The following PAX8 variants were observed in gnomAD, a reference collection of about 807,000 sequenced individuals.
The protein encoded by PAX8 is paired box 8.
Under a neutral mutation model 52.4 loss-of-function variants are expected in PAX8, and 15 were observed. The observed-to-expected ratio is 0.29, with a 90% CI of 0.19 to 0.44. The LOEUF (loss-of-function observed/expected upper bound fraction) is 0.44. Among genes scored for constraint, PAX8 ranks in the 20% least tolerant of loss-of-function variants. The pLI is 1.00. For synonymous variants in PAX8, 284 were observed against 249.7 expected (o/e 1.14, Z -1.29); for missense variants, 554 against 602.5 (o/e 0.92, Z 0.84).
intron 2 of PAX8, among the ~76,000 whole-genome samples, chr2:113,261,211 T>C (rs1487293724): frequency 6.6e-6 from 1 of 152,076 alleles, no homozygotes; most frequent in African/African-American, 2.4e-5. Context: ...CAGGGGGTGC[T>C]GAGAATTAGG....
chr2:113,259,746 A>G lies in PAX8; in HGVS notation c.26-12827T>C, dbSNP rs139695426. ...ATGAACTTCTAGTCAGGGGCTGCAAATGGAGCTTCCCAGTGCTCCCTGCAG... is the reference window on the plus strand; with the variant it reads ...ATGAACTTCTAGTCAGGGGCTGCAAGTGGAGCTTCCCAGTGCTCCCTGCAG... On this transcript the variant is annotated intron_variant, in intron 2 of 11. Transcript: ENST00000429538. 1.7e-3 allele frequency among the ~76,000 whole-genome samples: 257 copies of G among 152,318 alleles called. 1 individual carries two copies. Among genetic ancestry groups the G allele is most frequent in the African/African-American group, 6.0e-3 (250 of 41,568 alleles).
At position 113,218,456 on chromosome 2, in the gene PAX8, C is replaced by G; in HGVS notation, c.*77G>C. ...ATTTTTCATGTAATAAATAAAGATT[C>G]CTTTGTGTGACTCTCTGGGGCCTGT... On this transcript the variant is annotated 3_prime_UTR_variant, in exon 12 of 12. Coordinates refer to ENST00000429538, the MANE Select transcript of PAX8 (RefSeq NM_003466.4). The G allele has an allele frequency of 1.3e-6, 1 of 752,734 alleles. No individual in the cohort carries two copies. Among genetic ancestry groups the G allele is most frequent in the Non-Finnish European group, 2.1e-6 (1 of 469,522 alleles). 46.6% of individuals were successfully genotyped at this position (752,734 alleles called of 1,614,324 possible).
chr2:113,270,521 G>A (rs1255187250), intron 2 of PAX8: 1 of 152,196 alleles, frequency 6.6e-6, no homozygotes, highest in Non-Finnish European at 1.5e-5. Flanking sequence ...GATTTCAAAA[G>A]CCTCTCATTC....
intron 2 of PAX8, among the ~76,000 whole-genome samples, chr2:113,256,573 T>TAG (rs10529072): frequency 0.23 from 34,857 of 151,404 alleles, 4,306 homozygotes; most frequent in African/African-American, 0.32. Flanking sequence ...TATTATTCTA[T>TAG]ATATATATAC....
intron 7 of PAX8, chr2:113,238,065 C>T (rs1690511876): frequency 6.9e-6 from 1 of 145,228 alleles, no homozygotes; most frequent in East Asian, 2.0e-4. Flanking sequence ...TTGCTTAGGG[C>T]CTTTTTTTTT....
At chr2:113,227,118 T>C (rs1021613853) in intron 10 of PAX8, 37 bp downstream of exon 10, 1 of 1,551,294 alleles carries the variant, frequency 6.4e-7, no homozygotes, top group Non-Finnish European at 8.7e-7. Context: ...ATACTTCCTC[T>C]TTGCAGTGCT....
intron 9 of PAX8, among the ~76,000 whole-genome samples, chr2:113,234,158 G>A (rs1015935058): frequency 6.6e-6 from 1 of 152,218 alleles, no homozygotes; most frequent in Non-Finnish European, 1.5e-5. Flanking sequence ...GGCCCCCACT[G>A]GGCCCACATC....
intron 3 of PAX8, among the ~76,000 whole-genome samples, chr2:113,245,612 C>T (rs556326477): frequency 6.6e-6 from 1 of 152,254 alleles, no homozygotes; most frequent in Admixed American, 6.5e-5. Context: ...TCCACCCTTC[C>T]CCTCCCTCTA....
intron 10 of PAX8, chr2:113,225,720 C>G (rs1403846539): frequency 5.6e-6 from 1 of 179,830 alleles, no homozygotes; most frequent in African/African-American, 2.4e-5. Flanking sequence ...TGGGCCTGCC[C>G]TCAGGGAATG....
At chr2:113,249,439 T>G (rs1240693371) in intron 2 of PAX8, among the ~76,000 whole-genome samples, 1 of 152,136 alleles carries the variant, frequency 6.6e-6, no homozygotes, top group East Asian at 1.9e-4. Context: ...CCGGGCCGTA[T>G]CCACCCAAAC....
intron 10 of PAX8, among the ~76,000 whole-genome samples, chr2:113,224,173 G>A (rs1002131556): frequency 6.6e-6 from 1 of 152,012 alleles, no homozygotes; most frequent in Middle Eastern, 3.4e-3. Context: ...GAATATGGAT[G>A]GAAAAATAAA....
intron 11 of PAX8, among the ~76,000 whole-genome samples, chr2:113,218,841 A>G (rs748043018): frequency 4.6e-5 from 7 of 151,922 alleles, no homozygotes; most frequent in Non-Finnish European, 1.0e-4. Context: ...CCTTCCCCCT[A>G]TGGCTGCTTT....
intron 4 of PAX8, among the ~76,000 whole-genome samples, 200 bp from the exon 5 acceptor site, chr2:113,242,978 C>A (rs1040533950): frequency 2.0e-5 from 3 of 152,208 alleles, no homozygotes; most frequent in Admixed American, 6.5e-5. Context: ...TTGGTACCAT[C>A]AGTCACTCAA....
chr2:113,227,877 G>A (rs1286182131), intron 9 of PAX8, among the ~76,000 whole-genome samples: 4 of 152,162 alleles, frequency 2.6e-5, no homozygotes, highest in African/African-American at 7.2e-5. Context: ...ACAGGAAACC[G>A]ATTGGCTAAC....
intron 2 of PAX8, among the ~76,000 whole-genome samples, chr2:113,247,593 G>T (rs1407752784): frequency 6.6e-6 from 1 of 152,164 alleles, no homozygotes. Context: ...CTGGGTTCCA[G>T]GACTGACACA....
At chr2:113,250,813 C>G (rs957064707) in intron 2 of PAX8, 5 of 152,222 alleles carry the variant, frequency 3.3e-5, no homozygotes, top group Non-Finnish European at 7.3e-5. Flanking sequence ...AGAATCCTGG[C>G]CTTCAAGGAA....
rs1344770988 is a variant in PAX8 at position 113,244,602 on chromosome 2, G to A, written c.214C>T (p.Arg72Trp). Reference sequence around the variant, plus strand: ...TTGGAGCCCCCTATCACTCCAGGCCGGATGCTGCCAGTCTCGTAGTACCTA... The same window carrying A: ...TTGGAGCCCCCTATCACTCCAGGCCAGATGCTGCCAGTCTCGTAGTACCTA... ...LGRYYETGSI[R>W]PGVIGGSKPK... Residue 72 changes from arginine (R) to tryptophan (W), a missense_variant, in exon 4 of 12, where the codon CGG (arginine) becomes TGG (tryptophan). Around this residue, in one of 2 missense-constraint regions of PAX8, gnomAD observed 109 missense variants for 192.7 expected, o/e 0.57. Coordinates refer to ENST00000429538, the MANE Select transcript of PAX8 (RefSeq NM_003466.4). The A allele has an allele frequency of 1.9e-6, 3 of 1,614,132 alleles. No homozygotes were observed. Among genetic ancestry groups the A allele is most frequent in the Non-Finnish European group, 8.5e-7 (1 of 1,179,972 alleles).
chr2:113,263,697 A>G (rs535164162), intron 2 of PAX8, among the ~76,000 whole-genome samples: 73 of 152,274 alleles, frequency 4.8e-4, no homozygotes, highest in African/African-American at 1.6e-3. Context: ...TGGGAGGAGG[A>G]GGCACAGTGC....
At chr2:113,255,796 C>T (rs967624600) in intron 2 of PAX8, among the ~76,000 whole-genome samples, 1 of 151,616 alleles carries the variant, frequency 6.6e-6, no homozygotes, top group African/African-American at 2.4e-5. Flanking sequence ...GGGTTGATAG[C>T]TCTGTTGGGA....
Sources: allele counts gnomAD v4.1 joint callset (sites outside exome capture counted in the v4.1 genomes callset), GRCh38; gene constraint gnomAD v4.1.1; regional missense constraint gnomAD v4.1.1; transcripts MANE v1.5; gene names NCBI Gene and HGNC (gene_info 2026-07-23, HGNC 2026-07-21).